Variants in TDRD10 observed in about 807,000 individuals in gnomAD.
The protein encoded by TDRD10 is tudor domain-containing protein 10.
Under a neutral mutation model 48.0 loss-of-function variants are expected in TDRD10, and 40 were observed. The ratio of observed to expected loss-of-function variants is 0.83; its 90% CI spans 0.65 to 1.09. TDRD10 has a LOEUF of 1.09. Ranked by LOEUF, TDRD10 falls within the 50% of genes least tolerant of loss-of-function variation. The pLI, the probability that TDRD10 is intolerant of heterozygous loss-of-function variation, is 0.00. For missense variants in TDRD10, 378 were observed against 434.7 expected (o/e 0.87, Z 1.16); for synonymous variants, 162 against 170.4 (o/e 0.95, Z 0.38).
chr1:154,527,436 A>G (rs1486031170), intron 6 of TDRD10, among the ~76,000 whole-genome samples: 1 of 152,250 alleles, frequency 6.6e-6, no homozygotes, highest in Non-Finnish European at 1.5e-5. Context: ...TTATTCATGT[A>G]GAAAACTGTG....
chr1:154,542,098 A>T (rs1332818866), intron 7 of TDRD10, 32 bp downstream of exon 7: 1 of 1,612,680 alleles, frequency 6.2e-7, no homozygotes, highest in Non-Finnish European at 8.5e-7. Flanking sequence ...CTTTCCCAGG[A>T]TGTGGCTTTG....
At chr1:154,534,640 A>G (rs540091412) in intron 6 of TDRD10, 3 of 152,326 alleles carry the variant, frequency 2.0e-5, no homozygotes, top group Non-Finnish European at 4.4e-5. Flanking sequence ...TTTTTAATAG[A>G]TGTTTTCAAT....
chr1:154,519,874 C>T (rs1693966857), intron 4 of TDRD10, among the ~76,000 whole-genome samples: 1 of 151,946 alleles, frequency 6.6e-6, no homozygotes, highest in African/African-American at 2.4e-5. Context: ...GGAAATGTTC[C>T]GGGAAGAGGA....
intron 4 of TDRD10, among the ~76,000 whole-genome samples, chr1:154,516,766 A>G (rs1328321801): frequency 2.0e-5 from 3 of 152,070 alleles, no homozygotes; most frequent in Non-Finnish European, 1.5e-5. Context: ...GGGCAACATG[A>G]CAAAACCCCA....
At chr1:154,529,529 A>G (rs1041523011) in intron 6 of TDRD10, among the ~76,000 whole-genome samples, 2 of 143,870 alleles carry the variant, frequency 1.4e-5, no homozygotes, top group African/African-American at 5.1e-5. Context: ...ATATTTACCC[A>G]TATTTTTTCT....
At chr1:154,516,868 G>C (rs946945479) in intron 4 of TDRD10, among the ~76,000 whole-genome samples, 2 of 152,166 alleles carry the variant, frequency 1.3e-5, no homozygotes, top group African/African-American at 4.8e-5. Flanking sequence ...GTTGGCTTGA[G>C]CCTGGGAGGC....
rs1336316621 is a variant in TDRD10 at position 154,502,605 on chromosome 1, A to C, written c.-452A>C. The C allele has an allele frequency of 6.6e-6, 1 of 152,160 alleles. No homozygotes were observed. Among genetic ancestry groups the C allele is most frequent in the Non-Finnish European group, 1.5e-5 (1 of 68,080 alleles). The allele number at this position is 152,160 out of a possible 1,614,324, so 9.4% of individuals were successfully genotyped here. A position where few individuals can be genotyped will look rare whatever the true frequency, so the allele number is the denominator to read the frequency against. ...GCGGATCGGCCGCGCCCCACTGAGC[A>C]GAGAGCCCCCTTCTGCCGCCGACAG... On this transcript the variant is annotated 5_prime_UTR_variant, in exon 1 of 13. Coordinates refer to ENST00000368482, the MANE Select transcript of TDRD10 (RefSeq NM_182499.4).
intron 8 of TDRD10, among the ~76,000 whole-genome samples, chr1:154,543,275 A>AAAAT (rs911262784): frequency 2.6e-5 from 4 of 152,242 alleles, no homozygotes; most frequent in Non-Finnish European, 4.4e-5. Flanking sequence ...ACTCCATCTC[A>AAAAT]AAATAAATAA....
At chr1:154,530,942 G>A (rs1177214048) in intron 6 of TDRD10, among the ~76,000 whole-genome samples, 2 of 151,312 alleles carry the variant, frequency 1.3e-5, no homozygotes, top group African/African-American at 4.9e-5. Flanking sequence ...TGGCTCAAGC[G>A]GTTCTCCTGC....
chr1:154,547,006 G>C (rs1238629064), intron 11 of TDRD10, among the ~76,000 whole-genome samples: 1 of 152,032 alleles, frequency 6.6e-6, no homozygotes, highest in Admixed American at 6.5e-5. Context: ...CTCCCTGCCT[G>C]GTTCCAGCAT....
intron 6 of TDRD10, 36 bp downstream of exon 6, chr1:154,521,515 A>C: frequency 6.2e-7 from 1 of 1,604,864 alleles, no homozygotes; most frequent in Non-Finnish European, 8.5e-7. Context: ...GGGGCGTTCC[A>C]TTTTCACCCT....
At chr1:154,516,969 C>T (rs529262347) in intron 4 of TDRD10, among the ~76,000 whole-genome samples, 2 of 152,210 alleles carry the variant, frequency 1.3e-5, no homozygotes, top group South Asian at 2.1e-4. Context: ...ACAGCAAGGA[C>T]ATTGTAGGTT....
intron 6 of TDRD10, among the ~76,000 whole-genome samples, chr1:154,529,957 C>T (rs910030906): frequency 6.6e-6 from 1 of 152,168 alleles, no homozygotes. Context: ...AAATTCTTTT[C>T]CTTCATCTGA....
chr1:154,514,874 AT>A (rs869213486), intron 4 of TDRD10, among the ~76,000 whole-genome samples: 2 of 150,862 alleles, frequency 1.3e-5, no homozygotes. Context: ...TTATTTATTT[AT>A]TTTTTTTTTT....
At chr1:154,516,427 G>C (rs1693772723) in intron 4 of TDRD10, among the ~76,000 whole-genome samples, 1 of 152,030 alleles carries the variant, frequency 6.6e-6, no homozygotes, top group African/African-American at 2.4e-5. Flanking sequence ...ATATGGGGGT[G>C]GTGGGAGAAT....
chr1:154,524,007 T>C (rs1016813778), intron 6 of TDRD10, among the ~76,000 whole-genome samples: 1 of 152,246 alleles, frequency 6.6e-6, no homozygotes, highest in East Asian at 1.9e-4. Context: ...GACTTTTTCA[T>C]CTTTTCACCT....
intron 3 of TDRD10, among the ~76,000 whole-genome samples, 160 bp downstream of exon 3, chr1:154,507,480 T>G (rs911620502): frequency 3.9e-5 from 6 of 152,158 alleles, no homozygotes; most frequent in Non-Finnish European, 8.8e-5. Flanking sequence ...TCCTGTCTCA[T>G]AGTGGATGTG....
At chr1:154,517,047 G>A (rs1344665068) in intron 4 of TDRD10, among the ~76,000 whole-genome samples, 1 of 152,194 alleles carries the variant, frequency 6.6e-6, no homozygotes, top group African/African-American at 2.4e-5. Context: ...GGAAAGTGGT[G>A]GAGCCTGAAG....
chr1:154,511,437 C>T (rs909259104), intron 4 of TDRD10, among the ~76,000 whole-genome samples: 1 of 151,670 alleles, frequency 6.6e-6, no homozygotes, highest in African/African-American at 2.4e-5. Context: ...AGTTTGAGAC[C>T]AGCCTGGTCA....
Sources: gnomAD v4.1 joint callset for allele counts (sites outside exome capture counted in the v4.1 genomes callset) on GRCh38, gnomAD v4.1.1 for gene constraint, MANE v1.5 for transcripts, NCBI Gene and HGNC (gene_info 2026-07-23, HGNC 2026-07-21) for gene names.